The following CSMD1 variants were observed in gnomAD, a reference collection of about 807,000 sequenced individuals.
CSMD1 encodes CUB and Sushi multiple domains 1.
In CSMD1, 213 loss-of-function variants were observed where a neutral mutation model predicts 417.5. That is an observed-to-expected ratio of 0.51 (90% CI 0.46 to 0.57). The LOEUF is 0.57. Among genes scored for constraint, CSMD1 ranks in the 20% least tolerant of loss-of-function variants. CSMD1 has a pLI of 0.00. For synonymous variants in CSMD1, 2,862 were observed against 1,736.8 expected (o/e 1.65, Z -16.11); for missense variants, 6,923 against 4,529.7 (o/e 1.53, Z -15.17).
At chr8:4,446,590 G>A (rs911783457) in intron 2 of CSMD1, among the ~76,000 whole-genome samples, 1 of 152,070 alleles carries the variant, frequency 6.6e-6, no homozygotes, top group Non-Finnish European at 1.5e-5. Flanking sequence ...GTCTCATTCT[G>A]TCACCCAGGC....
At chr8:3,893,697 C>T (rs950744650) in intron 5 of CSMD1, among the ~76,000 whole-genome samples, 8 of 151,950 alleles carry the variant, frequency 5.3e-5, no homozygotes, top group African/African-American at 1.9e-4. Flanking sequence ...ACAACCGCAG[C>T]AACCGTGGTA....
chr8:4,447,542 A>G (rs941072059), intron 2 of CSMD1, among the ~76,000 whole-genome samples: 2 of 152,234 alleles, frequency 1.3e-5, no homozygotes, highest in Admixed American at 6.5e-5. Flanking sequence ...CTCACTCTAC[A>G]GATAACAGAG....
chr8:4,700,501 C>A (rs1431270947), intron 1 of CSMD1, among the ~76,000 whole-genome samples: 1 of 151,990 alleles, frequency 6.6e-6, no homozygotes, highest in Admixed American at 6.6e-5. Context: ...TAAAACTATG[C>A]ATGTTACAAT....
chr8:4,905,780 A>T (rs1276202832), intron 1 of CSMD1, among the ~76,000 whole-genome samples: 1 of 145,334 alleles, frequency 6.9e-6, no homozygotes, highest in East Asian at 2.2e-4. Flanking sequence ...AGATTGTGCC[A>T]CTGCACTCCA....
rs34730717 is a variant in CSMD1, at chr8:3,186,037, TA to T, written c.5620+1831del. Among the ~76,000 whole-genome samples, 674 of 142,882 alleles carry T rather than the reference TA, an allele frequency of 4.7e-3. 6 individuals are homozygous for T. The highest frequency in any genetic ancestry group is 0.018 in the Middle Eastern group (5 of 284). 93.7% of individuals were successfully genotyped at this position (142,882 alleles called of 152,430 possible). ...GGTAGCTTTTTTTTCTCTTACATCT[TA>T]AAAAAAAAAAAAGTGTGACTTTTTT... On this transcript the variant is annotated intron_variant, in intron 36 of 69. Coordinates refer to ENST00000635120, the MANE Select transcript of CSMD1 (RefSeq NM_033225.6).
intron 12 of CSMD1, among the ~76,000 whole-genome samples, chr8:3,413,181 C>A (rs548591714): frequency 2.6e-5 from 4 of 152,204 alleles, no homozygotes; most frequent in African/African-American, 9.6e-5. Flanking sequence ...TGATTATTAG[C>A]AAGCCTTAAA....
At chr8:4,738,611 T>C (rs1810398091) in intron 1 of CSMD1, among the ~76,000 whole-genome samples, 1 of 152,160 alleles carries the variant, frequency 6.6e-6, no homozygotes, top group Non-Finnish European at 1.5e-5. Context: ...CCATCTAGCA[T>C]CTGTATTTTA....
intron 3 of CSMD1, among the ~76,000 whole-genome samples, chr8:4,287,234 G>A (rs187089059): frequency 6.1e-4 from 93 of 152,010 alleles, no homozygotes; most frequent in Non-Finnish European, 1.1e-3. Context: ...CTATTTCCTG[G>A]CAAGTTCTAA....
Position 2,951,283 on chromosome 8 carries a change from A to G in CSMD1, c.10040-8T>C, listed in dbSNP as rs1192154159. On this transcript the variant is annotated splice_region_variant and splice_polypyrimidine_tract_variant and intron_variant, in intron 65 of 69. Transcript: ENST00000635120. The stretch of plus-strand genomic sequence containing the variant: ...AAAAGACATCTGAAGGAACTGTGGG[A>G]AGGGGGGAAACAGACCAATGTCAGC... 5 of 1,596,792 alleles carry G rather than the reference A, an allele frequency of 3.1e-6. No homozygotes were observed. Among genetic ancestry groups the G allele is most frequent in the Non-Finnish European group, 4.3e-6 (5 of 1,171,016 alleles).
intron 2 of CSMD1, among the ~76,000 whole-genome samples, chr8:4,485,155 C>T (rs1489184703): frequency 2.6e-5 from 4 of 152,170 alleles, no homozygotes; most frequent in East Asian, 1.9e-4. Flanking sequence ...TATGCATTTC[C>T]TTAGATGTCT....
chr8:4,961,619 C>T (rs1585414303), intron 1 of CSMD1, among the ~76,000 whole-genome samples: 1 of 152,224 alleles, frequency 6.6e-6, no homozygotes, highest in Non-Finnish European at 1.5e-5. Context: ...TTTTGTCGCT[C>T]AAACTTTTGT....
intron 3 of CSMD1, among the ~76,000 whole-genome samples, chr8:4,279,443 A>T (rs977926441): frequency 1.3e-5 from 2 of 152,194 alleles, no homozygotes; most frequent in Non-Finnish European, 2.9e-5. Context: ...CTTGGATAAG[A>T]TTCCAAGTCC....
At chr8:3,847,607 G>T (rs1182089242) in intron 5 of CSMD1, among the ~76,000 whole-genome samples, 1 of 152,124 alleles carries the variant, frequency 6.6e-6, no homozygotes, top group Admixed American at 6.5e-5. Flanking sequence ...AGGGGTCCTT[G>T]ATTCCAGACC....
At chr8:3,796,420 A>ATGTATAGATATATATATCTATCG (rs1245848768) in intron 5 of CSMD1, among the ~76,000 whole-genome samples, 1 of 113,044 alleles carries the variant, frequency 8.8e-6, no homozygotes, top group South Asian at 3.0e-4. Context: ...TATATCTATC[A>ATGTATAGATATATATATCTATCG]TGTATAGATA....
intron 3 of CSMD1, among the ~76,000 whole-genome samples, chr8:4,324,358 T>C (rs1799433552): frequency 6.6e-6 from 1 of 152,174 alleles, no homozygotes; most frequent in Non-Finnish European, 1.5e-5. Flanking sequence ...GTAGCAGCCA[T>C]TCCATGGATG....
At chr8:4,063,825 G>T (rs369662731) in intron 3 of CSMD1, among the ~76,000 whole-genome samples, 107 of 152,222 alleles carry the variant, frequency 7.0e-4, no homozygotes, top group African/African-American at 2.5e-3. Context: ...CTTTGAATGT[G>T]GTAAGAAGGA....
intron 1 of CSMD1, among the ~76,000 whole-genome samples, chr8:4,797,376 C>G (rs1798040396): frequency 1.3e-5 from 2 of 152,150 alleles, no homozygotes; most frequent in Admixed American, 6.5e-5. Context: ...AAAGAGTGTT[C>G]CGCCTGAATC....
At chr8:4,469,084 G>A (rs1800364627) in intron 2 of CSMD1, among the ~76,000 whole-genome samples, 2 of 152,170 alleles carry the variant, frequency 1.3e-5, no homozygotes, top group Admixed American at 1.3e-4. Flanking sequence ...GTCTTACACA[G>A]AAGACCTGTT....
At chr8:3,467,974 C>G (rs750410974) in intron 12 of CSMD1, among the ~76,000 whole-genome samples, 7 of 152,148 alleles carry the variant, frequency 4.6e-5, no homozygotes, top group Non-Finnish European at 1.0e-4. Context: ...CTCATTTTTA[C>G]CTAAACACAT....
Sources: gnomAD v4.1 joint callset for allele counts (sites outside exome capture counted in the v4.1 genomes callset) on GRCh38, gnomAD v4.1.1 for gene constraint, MANE v1.5 for transcripts, NCBI Gene and HGNC (gene_info 2026-07-23, HGNC 2026-07-21) for gene names.